PPP1R9A: variants seen among roughly 807,000 people sequenced by gnomAD.
PPP1R9A encodes the protein protein phosphatase 1 regulatory subunit 9A, also known as neurabin-1.
PPP1R9A carries 59 observed loss-of-function variants against 141.9 expected under a neutral mutation model. The ratio of observed to expected loss-of-function variants is 0.42; its 90% CI spans 0.34 to 0.52. PPP1R9A has a LOEUF of 0.52. PPP1R9A is among the 20% of genes least tolerant of loss of function. The probability of loss-of-function intolerance (pLI) is 0.10; values close to 1 mark genes in which losing one functional copy is unlikely to be tolerated. For synonymous variants in PPP1R9A, 500 were observed against 569.7 expected (o/e 0.88, Z 1.74); for missense variants, 1,444 against 1,611.9 (o/e 0.90, Z 1.78).
At chr7:95,091,641 G>A (rs1302357771) in intron 2 of PPP1R9A, among the ~76,000 whole-genome samples, 4 of 151,918 alleles carry the variant, frequency 2.6e-5, no homozygotes, top group Admixed American at 2.6e-4. Context: ...ACCATGACCA[G>A]CCTTAAATCT....
At chr7:95,099,685 T>C (rs1023730626) in intron 2 of PPP1R9A, among the ~76,000 whole-genome samples, 3 of 152,170 alleles carry the variant, frequency 2.0e-5, no homozygotes, top group African/African-American at 7.2e-5. Context: ...GGCAATACTA[T>C]ACCTTAAAAT....
intron 5 of PPP1R9A, among the ~76,000 whole-genome samples, chr7:95,166,926 C>T (rs1007032960): frequency 1.3e-5 from 2 of 152,156 alleles, no homozygotes; most frequent in African/African-American, 4.8e-5. Flanking sequence ...ATGATCATCT[C>T]AGTAGATGCA....
At chr7:95,031,890 G>A (rs920828709) in intron 2 of PPP1R9A, among the ~76,000 whole-genome samples, 1 of 151,842 alleles carries the variant, frequency 6.6e-6, no homozygotes, top group African/African-American at 2.4e-5. Context: ...ACTGGTCCAA[G>A]TCATCTGTAG....
At chr7:95,256,190 T>TTA (rs1563510242) in intron 12 of PPP1R9A, among the ~76,000 whole-genome samples, 48 of 133,762 alleles carry the variant, frequency 3.6e-4, no homozygotes, top group Admixed American at 6.3e-4. Context: ...AGATCCTGTC[T>TTA]CAAAAAAAAA....
At chr7:95,142,244 G>A (rs1303096564) in intron 4 of PPP1R9A, among the ~76,000 whole-genome samples, 3 of 151,856 alleles carry the variant, frequency 2.0e-5, no homozygotes, top group African/African-American at 7.3e-5. Flanking sequence ...ATGATATTCT[G>A]GACAGAAGTT....
At chr7:95,267,502 TA>T (rs1157976215) in intron 12 of PPP1R9A, among the ~76,000 whole-genome samples, 3 of 152,128 alleles carry the variant, frequency 2.0e-5, no homozygotes, top group Admixed American at 2.0e-4. Context: ...TACTTTTCCT[TA>T]ACCAATATCC....
chr7:95,100,860 T>A (rs1330872559), intron 2 of PPP1R9A, among the ~76,000 whole-genome samples: 1 of 142,506 alleles, frequency 7.0e-6, no homozygotes, highest in African/African-American at 2.6e-5. Flanking sequence ...TTTTTTTTTT[T>A]TTTTTTTTTT....
intron 2 of PPP1R9A, among the ~76,000 whole-genome samples, chr7:94,976,465 C>T (rs577708004): frequency 6.6e-6 from 1 of 151,830 alleles, no homozygotes; most frequent in East Asian, 1.9e-4. Flanking sequence ...CTCAGCCTCC[C>T]GAGTAGCTGA....
intron 2 of PPP1R9A, among the ~76,000 whole-genome samples, chr7:95,077,826 A>G (rs983554365): frequency 6.6e-6 from 1 of 152,144 alleles, no homozygotes; most frequent in African/African-American, 2.4e-5. Context: ...AAGGTTTGTT[A>G]TGCAGATTTG....
At position 95,226,107 on chromosome 7, in the gene PPP1R9A, G is replaced by T; in HGVS notation, c.2103G>T (p.Lys701Asn). Residue 701 changes from lysine to asparagine, a missense_variant, in exon 8 of 20, where the codon AAG (lysine) becomes AAT (asparagine). By Grantham distance (94) the Lys-to-Asn change is moderately conservative. Coordinates refer to ENST00000433360, the MANE Select transcript of PPP1R9A (RefSeq NM_001166160.2). The part of the protein sequence containing the change: ...SELDTSKLSH[K>N]FKELQIKHAV... The stretch of plus-strand genomic sequence containing the variant: ...TGGACACAAGCAAGCTCAGTCACAA[G>T]TTCAAAGAGGTATGCCACTAAGCTG... 2 of 1,612,326 alleles carry T rather than the reference G, an allele frequency of 1.2e-6. No individual in the cohort carries two copies. Among genetic ancestry groups the T allele is most frequent in the Non-Finnish European group, 1.7e-6 (2 of 1,178,720 alleles).
intron 5 of PPP1R9A, among the ~76,000 whole-genome samples, chr7:95,187,055 C>T (rs1834760682): frequency 6.6e-6 from 1 of 152,146 alleles, no homozygotes; most frequent in Admixed American, 6.6e-5. Flanking sequence ...CCCTTCTTCT[C>T]TGTCTTTTGG....
At chr7:95,009,113 G>C (rs1429793494) in intron 2 of PPP1R9A, among the ~76,000 whole-genome samples, 1 of 152,004 alleles carries the variant, frequency 6.6e-6, no homozygotes, top group Non-Finnish European at 1.5e-5. Flanking sequence ...AAAACACTTG[G>C]ACACAGGAAG....
chr7:94,946,491 T>A (rs941934183), intron 2 of PPP1R9A, among the ~76,000 whole-genome samples: 1 of 152,068 alleles, frequency 6.6e-6, no homozygotes, highest in Non-Finnish European at 1.5e-5. Context: ...CAATTTTACC[T>A]TACTTTTTTC....
At chr7:94,979,258 G>A (rs538023178) in intron 2 of PPP1R9A, among the ~76,000 whole-genome samples, 95 of 152,162 alleles carry the variant, frequency 6.2e-4, no homozygotes, top group African/African-American at 9.9e-4. Flanking sequence ...TATTTGTAGT[G>A]CCAGATTACA....
intron 2 of PPP1R9A, among the ~76,000 whole-genome samples, chr7:95,079,053 G>A (rs1413429256): frequency 6.6e-6 from 1 of 152,120 alleles, no homozygotes; most frequent in Non-Finnish European, 1.5e-5. Flanking sequence ...TGAAGTCCTT[G>A]CCCATGCCTA....
At chr7:95,192,733 T>A (rs1304338676) in intron 5 of PPP1R9A, among the ~76,000 whole-genome samples, 2 of 152,202 alleles carry the variant, frequency 1.3e-5, no homozygotes, top group Non-Finnish European at 1.5e-5. Flanking sequence ...TCAAAGTTGG[T>A]TTTCCCTTTT....
chr7:95,020,744 A>G (rs1356217706), intron 2 of PPP1R9A, among the ~76,000 whole-genome samples: 1 of 152,114 alleles, frequency 6.6e-6, no homozygotes, highest in Non-Finnish European at 1.5e-5. Context: ...GCTGAGAATG[A>G]TGGTTTCCAG....
At chr7:94,958,926 G>A (rs994922083) in intron 2 of PPP1R9A, among the ~76,000 whole-genome samples, 1 of 151,940 alleles carries the variant, frequency 6.6e-6, no homozygotes, top group Non-Finnish European at 1.5e-5. Flanking sequence ...TGATTTCAAA[G>A]TTTGGAGAAT....
At chr7:95,234,743 T>C (rs1313890775) in intron 8 of PPP1R9A, among the ~76,000 whole-genome samples, 1 of 152,144 alleles carries the variant, frequency 6.6e-6, no homozygotes, top group Non-Finnish European at 1.5e-5. Flanking sequence ...AGAACAAATT[T>C]GGAGGCATCA....
Sources: gnomAD v4.1 joint callset for allele counts (sites outside exome capture counted in the v4.1 genomes callset) on GRCh38, gnomAD v4.1.1 for gene constraint, MANE v1.5 for transcripts, NCBI Gene and HGNC (gene_info 2026-07-23, HGNC 2026-07-21) for gene names.